The following GABRB3 variants were observed in gnomAD, a reference collection of about 807,000 sequenced individuals.
The protein encoded by GABRB3 is gamma-aminobutyric acid receptor subunit beta-3.
In GABRB3, 14 loss-of-function variants were observed where a neutral mutation model predicts 52.1. The ratio of observed to expected loss-of-function variants is 0.27; its 90% CI spans 0.18 to 0.42. GABRB3 has a LOEUF of 0.42. Among genes scored for constraint, GABRB3 ranks in the 10% least tolerant of loss-of-function variants. The pLI, the probability that GABRB3 is intolerant of heterozygous loss-of-function variation, is 1.00. For synonymous variants in GABRB3, 260 were observed against 232.3 expected (o/e 1.12, Z -1.08); for missense variants, 307 against 609.1 (o/e 0.50, Z 5.22).
intron 4 of GABRB3, among the ~76,000 whole-genome samples, chr15:26,593,688 T>C (rs1891288753): frequency 6.6e-6 from 1 of 152,146 alleles, no homozygotes; most frequent in Non-Finnish European, 1.5e-5. Flanking sequence ...ATTATATGGA[T>C]ATACCATATT....
chr15:26,557,964 T>C (rs1176228978), intron 8 of GABRB3: 2 of 152,006 alleles, frequency 1.3e-5, no homozygotes, highest in African/African-American at 4.8e-5. Flanking sequence ...ACAGTTTGAC[T>C]GTTTTAAACA....
Position 26,772,710 on chromosome 15 carries a change from T to C in GABRB3, c.143A>G (p.Tyr48Cys), listed in dbSNP as rs2140199598. The stretch of plus-strand genomic sequence containing the variant: ...GAAGTCGGGTCTTAGGCGAATGTCG[T>C]AGCCTTTCAACAGCTTGTCCACCGT... ...KETVDKLLKG[Y>C]DIRLRPDFGG... Residue 48 changes from tyrosine to cysteine, a missense_variant, in exon 2 of 9, where the codon TAC becomes TGC. Around this residue, in one of 6 missense-constraint regions of GABRB3, gnomAD observed 90 missense variants for 86.4 expected, o/e 1.04. Coordinates refer to ENST00000311550, the MANE Select transcript of GABRB3 (RefSeq NM_000814.6). 1 of 1,578,990 alleles carries C rather than the reference T, an allele frequency of 6.3e-7. No homozygotes were observed. Among genetic ancestry groups the C allele is most frequent in the Non-Finnish European group, 8.6e-7 (1 of 1,162,562 alleles).
chr15:26,666,073 A>C (rs1887701932), intron 3 of GABRB3, among the ~76,000 whole-genome samples: 1 of 152,202 alleles, frequency 6.6e-6, no homozygotes, highest in African/African-American at 2.4e-5. Flanking sequence ...CCAGCTTTTT[A>C]GCCTGAAGCC....
intron 7 of GABRB3, among the ~76,000 whole-genome samples, chr15:26,565,334 G>A (rs142428119): frequency 4.3e-4 from 65 of 152,296 alleles, no homozygotes; most frequent in Admixed American, 7.2e-4. Context: ...GTCATACTCT[G>A]AGAGCTGGAT....
intron 3 of GABRB3, among the ~76,000 whole-genome samples, chr15:26,723,756 G>A (rs1317403003): frequency 6.6e-6 from 1 of 152,210 alleles, no homozygotes; most frequent in Non-Finnish European, 1.5e-5. Flanking sequence ...TTTTGTGAAT[G>A]AGGATATCAC....
At position 26,544,604 on chromosome 15, in the gene GABRB3, G is replaced by C. The variant is rs933179800; in HGVS notation, c.*3189C>G. ...CCACAGTCCCGGGGTTGGTGAACAG[G>C]AATAACACTTGTTTTAAGGACTACT... On this transcript the variant is annotated 3_prime_UTR_variant, in exon 9 of 9. Transcript: ENST00000311550. 1.8e-4 allele frequency: 27 copies of C among 152,160 alleles called. No individual in the cohort carries two copies. The highest frequency in any genetic ancestry group is 1.6e-3 in the Admixed American group (25 of 15,266). The allele number at this position is 152,160 out of a possible 1,614,324, so 9.4% of individuals were successfully genotyped here.
At chr15:26,675,085 G>C (rs1171823130) in intron 3 of GABRB3, among the ~76,000 whole-genome samples, 1 of 152,146 alleles carries the variant, frequency 6.6e-6, no homozygotes, top group Non-Finnish European at 1.5e-5. Context: ...AAAGTCTCAG[G>C]AGTCCCTGGG....
intron 4 of GABRB3, among the ~76,000 whole-genome samples, chr15:26,617,643 T>C (rs1459353412): frequency 6.6e-6 from 1 of 151,630 alleles, no homozygotes; most frequent in African/African-American, 2.4e-5. Flanking sequence ...CTATTCAACA[T>C]AGTGTTGGAA....
chr15:26,544,980 G>A lies in GABRB3; in HGVS notation c.*2813C>T, dbSNP rs1595425462. 2 of 152,524 alleles carry A rather than the reference G, an allele frequency of 1.3e-5. No individual in the cohort carries two copies. The highest frequency in any genetic ancestry group is 6.5e-5 in the Admixed American group (1 of 15,274). The allele number at this position is 152,524 out of a possible 1,614,324, so 9.4% of individuals were successfully genotyped here. On this transcript the variant is annotated 3_prime_UTR_variant, in exon 9 of 9. Coordinates refer to ENST00000311550, the MANE Select transcript of GABRB3 (RefSeq NM_000814.6). ...AATAACTACTGTGGAGTAACGAGAG[G>A]TCATTTTAACACAACAGAGACTCCA... is the stretch of plus-strand genomic sequence containing the variant.
At chr15:26,556,920 G>A (rs557143356) in intron 8 of GABRB3, among the ~76,000 whole-genome samples, 1 of 152,274 alleles carries the variant, frequency 6.6e-6, no homozygotes, top group African/African-American at 2.4e-5. Flanking sequence ...GCAGCTGTCA[G>A]TCAGGGCGAA....
At chr15:26,754,589 T>C (rs1310989243) in intron 3 of GABRB3, among the ~76,000 whole-genome samples, 1 of 152,208 alleles carries the variant, frequency 6.6e-6, no homozygotes, top group Non-Finnish European at 1.5e-5. Flanking sequence ...AAACTTTGAA[T>C]CATATTAAAT....
At chr15:26,628,882 G>T in intron 3 of GABRB3, 1 of 1,281,742 alleles carries the variant, frequency 7.8e-7, no homozygotes, top group African/African-American at 1.5e-5. Flanking sequence ...AGGCTCTCAG[G>T]CCTTGGAAAT....
At chr15:26,662,924 T>C (rs1887594442) in intron 3 of GABRB3, among the ~76,000 whole-genome samples, 1 of 152,226 alleles carries the variant, frequency 6.6e-6, no homozygotes. Flanking sequence ...AAGCCCAGGA[T>C]GGTTCCACAT....
intron 4 of GABRB3, among the ~76,000 whole-genome samples, chr15:26,583,779 T>A (rs1890874624): frequency 1.6e-5 from 1 of 61,454 alleles, no homozygotes; most frequent in Admixed American, 1.9e-4. Flanking sequence ...GTATCACCTA[T>A]TTTTTTTTTT....
rs746644743 is a variant in GABRB3, at chr15:26,583,441, A to G, written c.462-27T>C. 4 of 1,582,398 alleles carry G rather than the reference A, an allele frequency of 2.5e-6. No homozygotes were observed. In the East Asian group the frequency reaches 8.9e-5, roughly 35 times the overall value. ...TGAAATACACAGGGTGAGGGAAGAT[A>G]TTAAAGAAGGGCTGAGAAATGTATC... On this transcript the variant is annotated intron_variant, in intron 4 of 8. Coordinates refer to ENST00000311550, the MANE Select transcript of GABRB3 (RefSeq NM_000814.6).
intron 3 of GABRB3, among the ~76,000 whole-genome samples, chr15:26,764,166 AAAAAAAAAAAAAAATATATATATATATAT>A (rs1890909224): frequency 8.9e-5 from 3 of 33,756 alleles, no homozygotes; most frequent in African/African-American, 1.2e-4. Flanking sequence ...AAAAAAAAAA[AAAAAAAAAAAAAAATATATATATATATAT>A]ATATATATAT....
intron 3 of GABRB3, among the ~76,000 whole-genome samples, chr15:26,726,597 ATAGCCTGATGTTTC>A (rs1889778209): frequency 6.6e-6 from 1 of 152,172 alleles, no homozygotes; most frequent in Non-Finnish European, 1.5e-5. Context: ...GCAATTTAGG[ATAGCCTGATGTTTC>A]CTCGTGATTC....
rs187057024 is a variant in GABRB3 at position 26,735,927 on chromosome 15, C to G, written c.240+36475G>C. ...CTATGACCGTATCACTGCACTCCAG[C>G]CTGGGCAACAGAGAGAGACCTTGTC... On this transcript the variant is annotated intron_variant, in intron 3 of 8. Coordinates refer to ENST00000311550, the MANE Select transcript of GABRB3 (RefSeq NM_000814.6). Among the ~76,000 whole-genome samples, 865 of 151,182 alleles carry G rather than the reference C, an allele frequency of 5.7e-3. 5 individuals are homozygous for G. The highest frequency in any genetic ancestry group is 9.7e-3 in the Non-Finnish European group (657 of 67,852).
At chr15:26,577,276 G>A (rs1330362208) in intron 6 of GABRB3, among the ~76,000 whole-genome samples, 1 of 152,158 alleles carries the variant, frequency 6.6e-6, no homozygotes, top group Non-Finnish European at 1.5e-5. Flanking sequence ...ACTTTGGCAG[G>A]CTGAGGCAGG....
Sources: gnomAD v4.1 joint callset for allele counts (sites outside exome capture counted in the v4.1 genomes callset) on GRCh38, gnomAD v4.1.1 for gene constraint, gnomAD v4.1.1 regional missense constraint, MANE v1.5 for transcripts, NCBI Gene and HGNC (gene_info 2026-07-23, HGNC 2026-07-21) for gene names.